Variants in FER1L6 observed in about 807,000 individuals in gnomAD.
The protein encoded by FER1L6 is fer-1 like family member 6.
Under a neutral mutation model 219.2 loss-of-function variants are expected in FER1L6, and 177 were observed. That is an observed-to-expected ratio of 0.81 (90% CI 0.71 to 0.91). FER1L6 has a LOEUF of 0.91. Among genes scored for constraint, FER1L6 ranks in the 40% least tolerant of loss-of-function variants. The probability of loss-of-function intolerance (pLI) is 0.00; values close to 1 mark genes in which losing one functional copy is unlikely to be tolerated. For missense variants in FER1L6, 2,153 were observed against 2,259.9 expected (o/e 0.95, Z 0.96); for synonymous variants, 768 against 824.3 (o/e 0.93, Z 1.17).
intron 1 of FER1L6, among the ~76,000 whole-genome samples, chr8:123,926,793 G>A (rs900979895): frequency 6.6e-6 from 1 of 151,956 alleles, no homozygotes; most frequent in African/African-American, 2.4e-5. Flanking sequence ...TATTGTCTAA[G>A]TAATATATAT....
intron 1 of FER1L6, among the ~76,000 whole-genome samples, chr8:123,933,905 G>T (rs1344886446): frequency 6.6e-6 from 1 of 152,012 alleles, no homozygotes; most frequent in East Asian, 1.9e-4. Context: ...ACACCTGTAG[G>T]CATTTTACCT....
intron 22 of FER1L6, among the ~76,000 whole-genome samples, chr8:124,054,776 C>T (rs1047262541): frequency 7.9e-5 from 12 of 152,160 alleles, no homozygotes; most frequent in African/African-American, 2.4e-4. Context: ...AGCGGGAAGG[C>T]GATGAGGCCA....
chr8:123,911,825 T>C, intron 1 of FER1L6, among the ~76,000 whole-genome samples: 1 of 139,246 alleles, frequency 7.2e-6, no homozygotes, highest in South Asian at 2.5e-4. Flanking sequence ...GCTGCATCTC[T>C]GGTTTTGAAT....
In FER1L6 at chr8:123,856,316, G is replaced by GTGTATA. The variant is rs71576706; in HGVS notation, c.-8+4132_-8+4133insGTATAT. Among the ~76,000 whole-genome samples, 60 of 45,088 alleles carry GTGTATA rather than the reference G, an allele frequency of 1.3e-3. 6 individuals carry two copies. Among genetic ancestry groups the GTGTATA allele is most frequent in the South Asian group, 6.4e-3 (7 of 1,092 alleles). 29.6% of individuals were successfully genotyped at this position (45,088 alleles called of 152,430 possible). The stretch of plus-strand genomic sequence containing the variant: ...TGTATATATATATATATATGTATGT[G>GTGTATA]TATATATATATATATATATATATAT... On this transcript the variant is annotated intron_variant, in intron 1 of 40. Transcript: ENST00000522917.
Position 124,097,837 on chromosome 8 carries a change from G to T in FER1L6, c.4837G>T (p.Glu1613Ter), listed in dbSNP as rs550283836. The change falls in exon 37 of 41, where the codon GAG becomes TAG. Residue 1613 changes from glutamate to a stop codon, truncating the protein, a stop_gained. Coordinates refer to ENST00000522917, the MANE Select transcript of FER1L6 (RefSeq NM_001039112.2). LOFTEE classifies it high-confidence loss of function. ...WNTEDVILED[E>*]NIFTGQKSSD... ...CACTGAAGATGTCATTTTAGAGGAT[G>T]AGAATATCTTCACAGGCCAAAAATC... 6.2e-7 allele frequency: 1 copy of T among 1,608,152 alleles called. No homozygotes were observed.
intron 1 of FER1L6, among the ~76,000 whole-genome samples, chr8:123,888,875 A>C (rs1817252116): frequency 6.6e-6 from 1 of 152,192 alleles, no homozygotes; most frequent in Non-Finnish European, 1.5e-5. Context: ...TTGTCTACCA[A>C]ATTGGCTTAC....
intron 16 of FER1L6, among the ~76,000 whole-genome samples, chr8:124,020,458 C>T (rs575689748): frequency 5.3e-5 from 8 of 152,310 alleles, no homozygotes; most frequent in Non-Finnish European, 1.0e-4. Context: ...CCAATGCACA[C>T]AGGGCCTTAG....
rs73703907 is a variant in FER1L6 at position 124,049,779 on chromosome 8, G to A, written c.2874+23G>A. The A allele has an allele frequency of 3.0e-3, 4,807 of 1,613,162 alleles. 148 individuals are homozygous for A. In the African/African-American group the frequency reaches 0.056, roughly 19 times the overall value. On this transcript the variant is annotated intron_variant, in intron 22 of 40. Transcript: ENST00000522917. ...CAGGTGAGTGAACCAGATGTGGCAC[G>A]AGATCTATTAGGTCTACCTGGCCAG...
chr8:124,057,008 C>T (rs868740968), intron 22 of FER1L6, among the ~76,000 whole-genome samples: 2 of 152,162 alleles, frequency 1.3e-5, no homozygotes, highest in Non-Finnish European at 2.9e-5. Context: ...CGCACCTCTG[C>T]ACTCCAGCCT....
intron 27 of FER1L6, 87 bp from the exon 28 acceptor site, chr8:124,067,680 G>A: frequency 1.7e-6 from 2 of 1,160,446 alleles, no homozygotes; most frequent in Non-Finnish European, 2.5e-6. Flanking sequence ...TAGTGTCTCT[G>A]GGAATGCAGA....
intron 33 of FER1L6, among the ~76,000 whole-genome samples, chr8:124,089,834 G>GTACTT (rs1821948778): frequency 6.6e-6 from 1 of 151,990 alleles, no homozygotes. Context: ...CCTGCTTGTT[G>GTACTT]TACTTATCCT....
intron 1 of FER1L6, among the ~76,000 whole-genome samples, chr8:123,862,880 A>T (rs1176847878): frequency 6.9e-6 from 1 of 144,480 alleles, no homozygotes; most frequent in African/African-American, 2.8e-5. Context: ...CTTTTTCTTT[A>T]TTAGTCTTGC....
At chr8:124,093,563 G>C (rs562147561) in intron 34 of FER1L6, among the ~76,000 whole-genome samples, 1 of 151,978 alleles carries the variant, frequency 6.6e-6, no homozygotes, top group Admixed American at 6.5e-5. Context: ...ATGATATATT[G>C]AGAAAAATAT....
intron 27 of FER1L6, among the ~76,000 whole-genome samples, chr8:124,067,209 T>C (rs1467474207): frequency 6.6e-6 from 1 of 152,252 alleles, no homozygotes; most frequent in African/African-American, 2.4e-5. Flanking sequence ...TCTGCTTCTT[T>C]AGTTTGGAAA....
At chr8:124,109,307 C>T (rs1822916617) in intron 39 of FER1L6, among the ~76,000 whole-genome samples, 1 of 152,178 alleles carries the variant, frequency 6.6e-6, no homozygotes, top group South Asian at 2.1e-4. Context: ...CCACCCTAAT[C>T]TTATTATTCA....
chr8:123,940,661 G>C (rs1298754134), intron 1 of FER1L6, among the ~76,000 whole-genome samples: 1 of 152,070 alleles, frequency 6.6e-6, no homozygotes, highest in Non-Finnish European at 1.5e-5. Flanking sequence ...TTTTTGCTTT[G>C]TAATATGATC....
intron 2 of FER1L6, among the ~76,000 whole-genome samples, chr8:123,959,238 G>C (rs1355053715): frequency 1.3e-5 from 2 of 152,168 alleles, no homozygotes; most frequent in Non-Finnish European, 2.9e-5. Flanking sequence ...AGAATGTACA[G>C]AATGAACGCC....
In FER1L6 at chr8:123,963,284, A is replaced by C; in HGVS notation, c.83A>C (p.Gln28Pro). ...CCTTTGTTTGCTTCTCCAGATAGTC[A>C]AGGTGACACTGAAGCACTGCAGGAG... is the stretch of plus-strand genomic sequence containing the variant. The part of the protein sequence containing the change: ...ILANKAAKDS[Q>P]GDTEALQEEP... Residue 28 changes from glutamine to proline, a missense_variant, in exon 3 of 41, where the codon CAA becomes CCA. By Grantham distance (76) the Gln-to-Pro change is moderately conservative (BLOSUM62 -1). Coordinates refer to ENST00000522917, the MANE Select transcript of FER1L6 (RefSeq NM_001039112.2). 6.2e-7 allele frequency: 1 copy of C among 1,614,010 alleles called. No individual in the cohort carries two copies. Among genetic ancestry groups the C allele is most frequent in the South Asian group, 1.1e-5 (1 of 91,070 alleles).
intron 13 of FER1L6, among the ~76,000 whole-genome samples, chr8:124,010,330 A>T (rs947312245): frequency 2.6e-5 from 4 of 152,226 alleles, no homozygotes; most frequent in South Asian, 2.1e-4. Flanking sequence ...GCCTAAAAAA[A>T]TCCCGCCCTC....
Sources: allele counts gnomAD v4.1 joint callset (sites outside exome capture counted in the v4.1 genomes callset), GRCh38; gene constraint gnomAD v4.1.1; transcripts MANE v1.5; gene names NCBI Gene and HGNC (gene_info 2026-07-23, HGNC 2026-07-21).